CDH13: variants seen among roughly 807,000 people sequenced by gnomAD.
CDH13 encodes the protein cadherin 13, also known as cadherin-13.
Under a neutral mutation model 63.8 loss-of-function variants are expected in CDH13, and 24 were observed. That is an observed-to-expected ratio of 0.38 (90% CI 0.27 to 0.53). The LOEUF (loss-of-function observed/expected upper bound fraction) is 0.53. CDH13 is among the 20% of genes least tolerant of loss of function. CDH13 has a pLI of 0.85. For missense variants in CDH13, 1,049 were observed against 903.1 expected, an observed-to-expected ratio of 1.16 and a Z score of -2.07; for synonymous variants, 503 against 355.3, an observed-to-expected ratio of 1.42 and a Z score of -4.67.
intron 7 of CDH13, among the ~76,000 whole-genome samples, chr16:83,491,855 T>C (rs1313107889): frequency 6.6e-6 from 1 of 152,030 alleles, no homozygotes; most frequent in Admixed American, 6.5e-5. Flanking sequence ...TCTGAAACTT[T>C]ATAATGCCCA....
intron 6 of CDH13, among the ~76,000 whole-genome samples, chr16:83,434,806 C>G (rs1328273837): frequency 7.2e-6 from 1 of 138,052 alleles, no homozygotes; most frequent in Admixed American, 7.3e-5. Context: ...TTTCAACAGC[C>G]TCATACCTGG....
At chr16:83,287,189 A>G (rs1298418067) in intron 5 of CDH13, among the ~76,000 whole-genome samples, 2 of 152,342 alleles carry the variant, frequency 1.3e-5, no homozygotes, top group Admixed American at 6.5e-5. Flanking sequence ...GATGGCTAGA[A>G]TGAAATCAGA....
chr16:83,075,368 C>T (rs1445766566), intron 3 of CDH13, among the ~76,000 whole-genome samples: 2 of 152,220 alleles, frequency 1.3e-5, no homozygotes, highest in South Asian at 2.1e-4. Context: ...CACCTGAGCT[C>T]TCCCTGTTAG....
chr16:82,810,644 C>T (rs1024231602), intron 1 of CDH13, among the ~76,000 whole-genome samples: 1 of 152,126 alleles, frequency 6.6e-6, no homozygotes, highest in African/African-American at 2.4e-5. Flanking sequence ...TGATTCTCAG[C>T]CCCCATGGCT....
chr16:83,191,548 T>TAC (rs2151755817), intron 4 of CDH13, among the ~76,000 whole-genome samples: 1 of 139,674 alleles, frequency 7.2e-6, no homozygotes, highest in African/African-American at 2.6e-5. Flanking sequence ...TATATATATA[T>TAC]ATATATATAC....
chr16:82,927,124 C>A (rs1449515462), intron 2 of CDH13, among the ~76,000 whole-genome samples: 1 of 152,112 alleles, frequency 6.6e-6, no homozygotes, highest in Non-Finnish European at 1.5e-5. Flanking sequence ...GGCCTCTCCA[C>A]GTGGCTGCTT....
At chr16:82,640,159 A>G (rs535490929) in intron 1 of CDH13, among the ~76,000 whole-genome samples, 11 of 152,362 alleles carry the variant, frequency 7.2e-5, no homozygotes, top group African/African-American at 2.6e-4. Flanking sequence ...CAAATGGGGT[A>G]GAGTGATAGA....
chr16:82,793,718 G>T (rs960022901), intron 1 of CDH13, among the ~76,000 whole-genome samples: 4 of 152,168 alleles, frequency 2.6e-5, no homozygotes, highest in Non-Finnish European at 5.9e-5. Flanking sequence ...TGACTGTGCT[G>T]CTCGAGATGC....
chr16:82,705,489 T>C (rs1215116638), intron 1 of CDH13, among the ~76,000 whole-genome samples: 2 of 152,226 alleles, frequency 1.3e-5, no homozygotes, highest in African/African-American at 4.8e-5. Context: ...GAATCTTTAC[T>C]CAACTACTTT....
chr16:83,203,792 C>A (rs1423978812), intron 4 of CDH13, among the ~76,000 whole-genome samples: 1 of 151,788 alleles, frequency 6.6e-6, no homozygotes, highest in East Asian at 1.9e-4. Context: ...AATTGAACAA[C>A]TCCAGGGAAG....
At chr16:82,839,117 G>T (rs1367013608) in intron 1 of CDH13, among the ~76,000 whole-genome samples, 1 of 152,196 alleles carries the variant, frequency 6.6e-6, no homozygotes, top group Admixed American at 6.5e-5. Context: ...CCAATCAATG[G>T]TTTAGCCAGT....
chr16:83,295,143 C>T (rs1266211828), intron 5 of CDH13, among the ~76,000 whole-genome samples: 1 of 152,024 alleles, frequency 6.6e-6, no homozygotes, highest in Non-Finnish European at 1.5e-5. Flanking sequence ...AAAAACTCTT[C>T]AATAAATGGC....
At chr16:82,632,602 C>G (rs1322085360) in intron 1 of CDH13, among the ~76,000 whole-genome samples, 1 of 152,106 alleles carries the variant, frequency 6.6e-6, no homozygotes, top group South Asian at 2.1e-4. Flanking sequence ...ACTCTGAAAC[C>G]CTGGGATCAT....
chr16:83,291,627 C>A (rs1197317538), intron 5 of CDH13, among the ~76,000 whole-genome samples: 1 of 152,068 alleles, frequency 6.6e-6, no homozygotes, highest in African/African-American at 2.4e-5. Context: ...AGATAGTTTT[C>A]TTGGTGGCCG....
chr16:83,379,919 G>GTGTGTATATATATA (rs1555538670), intron 6 of CDH13, among the ~76,000 whole-genome samples: 1 of 126,444 alleles, frequency 7.9e-6, no homozygotes, highest in Non-Finnish European at 1.6e-5. Flanking sequence ...ATGTGTGTGT[G>GTGTGTATATATATA]TATATATATA....
At chr16:83,285,111 T>C (rs1409295313) in intron 5 of CDH13, among the ~76,000 whole-genome samples, 3 of 152,194 alleles carry the variant, frequency 2.0e-5, no homozygotes, top group Non-Finnish European at 4.4e-5. Flanking sequence ...CCTTCAGAAG[T>C]ACATTTTGTC....
At chr16:83,380,977 C>G (rs2091556466) in intron 6 of CDH13, among the ~76,000 whole-genome samples, 1 of 152,018 alleles carries the variant, frequency 6.6e-6, no homozygotes, top group Non-Finnish European at 1.5e-5. Context: ...TAGTATATAA[C>G]CTTCTTGTCT....
intron 6 of CDH13, among the ~76,000 whole-genome samples, chr16:83,433,096 C>G (rs1260428271): frequency 6.6e-6 from 1 of 152,248 alleles, no homozygotes; most frequent in South Asian, 2.1e-4. Context: ...CACAGAGAAG[C>G]CATCAGCAGG....
intron 10 of CDH13, among the ~76,000 whole-genome samples, chr16:83,742,187 G>A (rs568989324): frequency 6.6e-6 from 1 of 152,212 alleles, no homozygotes; most frequent in African/African-American, 2.4e-5. Flanking sequence ...GCTGGCCCTG[G>A]CCACTTGCCT....
Sources: allele counts gnomAD v4.1 joint callset (sites outside exome capture counted in the v4.1 genomes callset), GRCh38; gene constraint gnomAD v4.1.1; transcripts MANE v1.5; gene names NCBI Gene and HGNC (gene_info 2026-07-23, HGNC 2026-07-21).